GARNL3: variants seen among roughly 807,000 people sequenced by gnomAD.
GARNL3 encodes the protein GTPase activating Rap/RanGAP domain like 3, also known as GTPase-activating Rap/Ran-GAP domain-like protein 3.
A neutral mutation model predicts 125.0 loss-of-function variants in GARNL3; 63 were observed. The ratio of observed to expected loss-of-function variants is 0.50; its 90% CI spans 0.41 to 0.62. The LOEUF is 0.62. Ranked by LOEUF, GARNL3 falls within the 20% of genes least tolerant of loss-of-function variation. The pLI is 0.00. For synonymous variants in GARNL3, 439 were observed against 457.5 expected (o/e 0.96, Z 0.52); for missense variants, 994 against 1,244.0 (o/e 0.80, Z 3.02).
At chr9:127,271,093 T>G (rs1360948329) in intron 1 of GARNL3, among the ~76,000 whole-genome samples, 1 of 150,150 alleles carries the variant, frequency 6.7e-6, no homozygotes, top group Non-Finnish European at 1.5e-5. Flanking sequence ...TATAGACAAG[T>G]CAGTTTCAAA....
chr9:127,376,585 T>C (rs1831931967), intron 22 of GARNL3, among the ~76,000 whole-genome samples: 2 of 151,518 alleles, frequency 1.3e-5, no homozygotes, highest in African/African-American at 4.9e-5. Context: ...CAGCTTTCTT[T>C]CTTTCTTTCT....
chr9:127,348,863 G>T, intron 16 of GARNL3, 61 bp from the exon 17 acceptor site: 1 of 1,102,732 alleles, frequency 9.1e-7, no homozygotes, highest in Non-Finnish European at 1.4e-6. Flanking sequence ...ATTTCCATTT[G>T]GTGGGCTGCA....
chr9:127,334,097 A>G (rs985436025), intron 9 of GARNL3, among the ~76,000 whole-genome samples: 1 of 152,136 alleles, frequency 6.6e-6, no homozygotes, highest in African/African-American at 2.4e-5. Flanking sequence ...AAGACACTTC[A>G]GGGTTTCTGC....
intron 22 of GARNL3, among the ~76,000 whole-genome samples, chr9:127,381,374 C>CTTT (rs149452961): frequency 6.6e-6 from 1 of 150,734 alleles, no homozygotes; most frequent in South Asian, 2.1e-4. Flanking sequence ...TTTTTTATTC[C>CTTT]TTTTTTTTTC....
intron 1 of GARNL3, among the ~76,000 whole-genome samples, chr9:127,231,129 AC>A (rs2063007140): frequency 7.3e-6 from 1 of 137,920 alleles, no homozygotes; most frequent in Admixed American, 7.4e-5. Context: ...ATCTCGGCTC[AC>A]TGCAAGCTCC....
intron 1 of GARNL3, among the ~76,000 whole-genome samples, chr9:127,278,261 A>G (rs2064009948): frequency 6.6e-6 from 1 of 152,224 alleles, no homozygotes; most frequent in Non-Finnish European, 1.5e-5. Flanking sequence ...TAGTAATTAA[A>G]TTTGTATACA....
At chr9:127,225,448 C>T in intron 1 of GARNL3, 1 of 801,794 alleles carries the variant, frequency 1.2e-6, no homozygotes, top group Non-Finnish European at 1.5e-6. Flanking sequence ...GTGCCGGCCA[C>T]GTGGGGGGAT....
chr9:127,360,983 A>G (rs1421148965), intron 21 of GARNL3, among the ~76,000 whole-genome samples: 1 of 152,142 alleles, frequency 6.6e-6, no homozygotes, highest in Non-Finnish European at 1.5e-5. Context: ...CCCAAAACCA[A>G]GTGCTCCTCT....
intron 12 of GARNL3, among the ~76,000 whole-genome samples, chr9:127,339,165 C>T (rs1037061733): frequency 1.3e-5 from 2 of 151,998 alleles, no homozygotes; most frequent in Non-Finnish European, 2.9e-5. Flanking sequence ...GGCGTGGTGG[C>T]AGGTGCCTGT....
At chr9:127,380,370 T>C (rs1001385905) in intron 22 of GARNL3, among the ~76,000 whole-genome samples, 5 of 152,296 alleles carry the variant, frequency 3.3e-5, no homozygotes, top group South Asian at 4.1e-4. Context: ...GATGTAGATA[T>C]AGATACAAAG....
chr9:127,388,206 C>T (rs1034418518), intron 25 of GARNL3, among the ~76,000 whole-genome samples: 10 of 151,832 alleles, frequency 6.6e-5, no homozygotes, highest in Non-Finnish European at 1.3e-4. Context: ...GTCCCAGCTA[C>T]TCAGGAGACT....
At chr9:127,347,296 C>A (rs1055151789) in intron 16 of GARNL3, among the ~76,000 whole-genome samples, 9 of 152,084 alleles carry the variant, frequency 5.9e-5, no homozygotes, top group Non-Finnish European at 1.2e-4. Flanking sequence ...GTGGCTCATG[C>A]CTATGGTCCC....
chr9:127,372,907 A>G (rs1831686904), intron 22 of GARNL3, among the ~76,000 whole-genome samples: 2 of 152,332 alleles, frequency 1.3e-5, no homozygotes, highest in South Asian at 4.1e-4. Context: ...TCCAGAAGAT[A>G]CAGGGGCCTA....
intron 4 of GARNL3, among the ~76,000 whole-genome samples, chr9:127,315,371 T>A (rs1361991669): frequency 6.6e-6 from 1 of 152,184 alleles, no homozygotes; most frequent in East Asian, 1.9e-4. Flanking sequence ...GCACAGTGGC[T>A]CATGCCTGTA....
Position 127,343,717 on chromosome 9 carries a change from G to A in GARNL3, c.1252-518G>A, listed in dbSNP as rs149444259. 9.8e-4 allele frequency among the ~76,000 whole-genome samples: 149 copies of A among 152,320 alleles called. 1 individual carries two copies. Among genetic ancestry groups the A allele is most frequent in the African/African-American group, 3.4e-3 (143 of 41,558 alleles). Reference sequence around the variant, plus strand: ...ACTAAGTATGCACTAGGCACTGTGCGAAGTACCTTACATGCATTGCCTCAT... The same window carrying A: ...ACTAAGTATGCACTAGGCACTGTGCAAAGTACCTTACATGCATTGCCTCAT... On this transcript the variant is annotated intron_variant, in intron 14 of 27. Coordinates refer to ENST00000373387, the MANE Select transcript of GARNL3 (RefSeq NM_032293.5).
chr9:127,267,775 T>C (rs1288862393), intron 1 of GARNL3, among the ~76,000 whole-genome samples: 2 of 152,368 alleles, frequency 1.3e-5, no homozygotes, highest in Non-Finnish European at 2.9e-5. Context: ...AGTTTGACTT[T>C]TCTTATGCCT....
At chr9:127,382,546 A>G (rs1449945922) in intron 22 of GARNL3, among the ~76,000 whole-genome samples, 1 of 152,040 alleles carries the variant, frequency 6.6e-6, no homozygotes, top group Non-Finnish European at 1.5e-5. Flanking sequence ...TGGGATGGGG[A>G]GGCTGCAGTC....
chr9:127,279,023 A>G (rs1401343388), intron 1 of GARNL3, among the ~76,000 whole-genome samples: 1 of 151,950 alleles, frequency 6.6e-6, no homozygotes, highest in African/African-American at 2.4e-5. Context: ...CAAAGACCCC[A>G]TTTGCAAATA....
intron 9 of GARNL3, among the ~76,000 whole-genome samples, chr9:127,334,014 C>T (rs575548488): frequency 6.6e-6 from 1 of 152,144 alleles, no homozygotes; most frequent in East Asian, 1.9e-4. Context: ...AGAAGGGAGA[C>T]AGGGGAACTA....
Sources: gnomAD v4.1 joint callset for allele counts (sites outside exome capture counted in the v4.1 genomes callset) on GRCh38, gnomAD v4.1.1 for gene constraint, MANE v1.5 for transcripts, NCBI Gene and HGNC (gene_info 2026-07-23, HGNC 2026-07-21) for gene names.